Variants in SEC31A observed in about 807,000 individuals in gnomAD.
The protein encoded by SEC31A is protein transport protein Sec31A.
Under a neutral mutation model 151.0 loss-of-function variants are expected in SEC31A, and 70 were observed. The ratio of observed to expected loss-of-function variants is 0.46; its 90% CI spans 0.38 to 0.57. The LOEUF (loss-of-function observed/expected upper bound fraction) is 0.57. SEC31A is among the 20% of genes least tolerant of loss of function. SEC31A has a pLI of 0.00. For synonymous variants in SEC31A, 475 were observed against 505.9 expected (o/e 0.94, Z 0.82); for missense variants, 1,330 against 1,471.2 (o/e 0.90, Z 1.57).
At chr4:82,856,478 C>T (rs562070559) in intron 16 of SEC31A, among the ~76,000 whole-genome samples, 25 of 151,428 alleles carry the variant, frequency 1.7e-4, no homozygotes, top group Admixed American at 1.3e-3. Context: ...AGGCCAGGCA[C>T]GGTGGCTTAT....
chr4:82,834,096 C>A (rs1726661539), intron 22 of SEC31A, among the ~76,000 whole-genome samples: 1 of 152,186 alleles, frequency 6.6e-6, no homozygotes, highest in Non-Finnish European at 1.5e-5. Context: ...GACTTTACAA[C>A]CTAGCTCTCC....
At position 82,827,530 on chromosome 4, in the gene SEC31A, C is replaced by T. The variant is rs1206157240; in HGVS notation, c.3130G>A (p.Val1044Ile). The T allele has an allele frequency of 6.2e-7, 1 of 1,614,196 alleles. No homozygotes were observed. Among genetic ancestry groups the T allele is most frequent in the South Asian group, 1.1e-5 (1 of 91,088 alleles). Residue 1044 changes from valine (V) to isoleucine (I), a missense_variant, in exon 24 of 27, where the codon GTA becomes ATA. Val to Ile is a conservative substitution (Grantham distance 29, BLOSUM62 3). Transcript: ENST00000395310. The part of the protein sequence containing the change: ...QMLQQQPSAP[V>I]PLSSQSSFPQ... ...AATGAAGACTGGCTTGACAGTGGTACTGGAGCTGAAGGCTGTTGCTGCAGC... is the reference window on the plus strand; with the variant it reads ...AATGAAGACTGGCTTGACAGTGGTATTGGAGCTGAAGGCTGTTGCTGCAGC...
At chr4:82,884,559 T>C (rs1054269324) in intron 1 of SEC31A, among the ~76,000 whole-genome samples, 3 of 152,204 alleles carry the variant, frequency 2.0e-5, no homozygotes, top group Non-Finnish European at 2.9e-5. Context: ...CATGAACACA[T>C]CATTATCACT....
intron 17 of SEC31A, among the ~76,000 whole-genome samples, chr4:82,854,207 T>C (rs969123776): frequency 5.3e-5 from 8 of 151,932 alleles, no homozygotes; most frequent in African/African-American, 1.9e-4. Context: ...CTACGAAAAA[T>C]GCAAAACTAG....
At chr4:82,889,349 T>C (rs1741698120) in intron 1 of SEC31A, among the ~76,000 whole-genome samples, 1 of 152,038 alleles carries the variant, frequency 6.6e-6, no homozygotes, top group African/African-American at 2.4e-5. Context: ...AGCAGGAGCT[T>C]GAGTCCAGCC....
At chr4:82,820,860 C>T (rs1023186761) in intron 26 of SEC31A, among the ~76,000 whole-genome samples, 177 bp downstream of exon 26, 1 of 151,982 alleles carries the variant, frequency 6.6e-6, no homozygotes, top group African/African-American at 2.4e-5. Flanking sequence ...ACACACACAC[C>T]CGTATCCCCT....
chr4:82,851,603 T>A lies in SEC31A; in HGVS notation c.2156A>T (p.Asp719Val). 1 of 1,602,600 alleles carries A rather than the reference T, an allele frequency of 6.2e-7. No individual in the cohort carries two copies. The highest frequency in any genetic ancestry group is 1.3e-5 in the African/African-American group (1 of 74,590). Reference protein sequence around the residue: ...QDGSHPLSLQDLIEKVVILRK... With the variant: ...QDGSHPLSLQVLIEKVVILRK... ...CAGGATGACAACTTTCTCAATCAGA[T>A]CCTAAATGAAAAAAATGAGTAACAA... is the stretch of plus-strand genomic sequence containing the variant. The change falls in exon 19 of 27, where the codon GAT (aspartate) becomes GTT (valine). Residue 719 changes from aspartate to valine, a missense_variant and splice_region_variant. Physicochemically the swap from Asp to Val is radical, Grantham distance 152. Coordinates refer to ENST00000395310, the MANE Select transcript of SEC31A (RefSeq NM_001077207.4).
chr4:82,822,812 A>G (rs1723657543), intron 25 of SEC31A, among the ~76,000 whole-genome samples: 1 of 152,094 alleles, frequency 6.6e-6, no homozygotes, highest in Non-Finnish European at 1.5e-5. Context: ...TGTCTCTTCT[A>G]AAAATACAAA....
intron 22 of SEC31A, among the ~76,000 whole-genome samples, chr4:82,831,802 C>T (rs1451696064): frequency 6.6e-6 from 1 of 152,130 alleles, no homozygotes; most frequent in Non-Finnish European, 1.5e-5. Context: ...GAGTGAACTC[C>T]CATTCACAAT....
chr4:82,837,185 A>ATG (rs1727548539), intron 22 of SEC31A, among the ~76,000 whole-genome samples: 1 of 53,034 alleles, frequency 1.9e-5, no homozygotes, highest in Admixed American at 3.0e-4. Context: ...ATATATATAT[A>ATG]TATATATATA....
chr4:82,858,042 C>G (rs1733079549), intron 14 of SEC31A: 1 of 244,930 alleles, frequency 4.1e-6, no homozygotes, highest in South Asian at 5.0e-5. Context: ...CTTTAGGAGG[C>G]CAAGGCAGGC....
chr4:82,869,060 T>G (rs987830179), intron 8 of SEC31A, among the ~76,000 whole-genome samples: 8 of 152,158 alleles, frequency 5.3e-5, no homozygotes, highest in Admixed American at 3.9e-4. Context: ...ATGTGTGGTT[T>G]GATAAAACTT....
At chr4:82,856,448 C>T (rs780371271) in intron 16 of SEC31A, among the ~76,000 whole-genome samples, 3 of 151,742 alleles carry the variant, frequency 2.0e-5, no homozygotes, top group South Asian at 2.1e-4. Flanking sequence ...TGCGCCCAGC[C>T]GCAATTAAAA....
chr4:82,863,868 T>C (rs768759024), intron 11 of SEC31A, among the ~76,000 whole-genome samples: 9 of 152,118 alleles, frequency 5.9e-5, no homozygotes, highest in Non-Finnish European at 1.2e-4. Flanking sequence ...ACCAGTACCG[T>C]ATAAAGAAAC....
intron 1 of SEC31A, among the ~76,000 whole-genome samples, chr4:82,887,005 G>A (rs529192072): frequency 6.6e-6 from 1 of 151,950 alleles, no homozygotes; most frequent in African/African-American, 2.4e-5. Flanking sequence ...TATATTTAGG[G>A]GAAAACAAGT....
intron 23 of SEC31A, 143 bp downstream of exon 23, chr4:82,828,857 A>C (rs1243673771): frequency 5.3e-6 from 3 of 561,634 alleles, no homozygotes; most frequent in Non-Finnish European, 9.7e-6. Flanking sequence ...CATGGATTAG[A>C]AGGTGCATGT....
At chr4:82,887,420 A>T (rs534408936) in intron 1 of SEC31A, among the ~76,000 whole-genome samples, 112 of 152,202 alleles carry the variant, frequency 7.4e-4, no homozygotes, top group Non-Finnish European at 1.4e-3. Context: ...GAAAAAAGAA[A>T]GGAAAAGAAA....
intron 21 of SEC31A, 136 bp from the exon 22 acceptor site, chr4:82,842,617 C>A (rs1223327484): frequency 1.6e-5 from 11 of 702,274 alleles, no homozygotes; most frequent in African/African-American, 3.6e-5. Context: ...TAAAAATTTA[C>A]ACCATTATAT....
chr4:82,890,078 A>C (rs1299662053), intron 1 of SEC31A, among the ~76,000 whole-genome samples: 1 of 151,892 alleles, frequency 6.6e-6, no homozygotes, highest in Non-Finnish European at 1.5e-5. Context: ...AAATACAAAA[A>C]TTAGACAGGT....
Sources: allele counts gnomAD v4.1 joint callset (sites outside exome capture counted in the v4.1 genomes callset), GRCh38; gene constraint gnomAD v4.1.1; transcripts MANE v1.5; gene names NCBI Gene and HGNC (gene_info 2026-07-23, HGNC 2026-07-21).